MCOLN2: variants seen among roughly 807,000 people sequenced by gnomAD.
MCOLN2 encodes the protein mucolipin TRP cation channel 2, also known as mucolipin-2.
MCOLN2 carries 57 observed loss-of-function variants against 67.5 expected under a neutral mutation model. That is an observed-to-expected ratio of 0.84 (90% CI 0.68 to 1.05). The LOEUF is 1.05. MCOLN2 is among the 50% of genes least tolerant of loss of function. MCOLN2 has a pLI of 0.00. For synonymous variants in MCOLN2, 246 were observed against 233.3 expected (o/e 1.05, Z -0.50); for missense variants, 620 against 678.8 (o/e 0.91, Z 0.96).
rs542976026 is a variant in MCOLN2 at position 84,991,251 on chromosome 1, G to A, written c.77+5545C>T. ...AGAGGGTGGAAGAAGTGATAGATACGGAGACTAAAATTCAATGTTTCTACA... is the reference window on the plus strand; with the variant it reads ...AGAGGGTGGAAGAAGTGATAGATACAGAGACTAAAATTCAATGTTTCTACA... On this transcript the variant is annotated intron_variant, in intron 1 of 13. Transcript: ENST00000370608. 7.2e-3 allele frequency among the ~76,000 whole-genome samples: 1,093 copies of A among 152,188 alleles called. 7 individuals carry two copies. The highest frequency in any genetic ancestry group is 0.011 in the Non-Finnish European group (731 of 68,018).
At chr1:84,954,297 A>T (rs192271938) in intron 4 of MCOLN2, among the ~76,000 whole-genome samples, 90 of 152,358 alleles carry the variant, frequency 5.9e-4, no homozygotes, top group African/African-American at 2.2e-3. Flanking sequence ...TGTGTTTGGC[A>T]GATGGAGTAT....
intron 2 of MCOLN2, 48 bp from the exon 3 acceptor site, chr1:84,958,750 G>C (rs1648925829): frequency 7.3e-7 from 1 of 1,377,684 alleles, no homozygotes; most frequent in Non-Finnish European, 9.7e-7. Context: ...CCATTTATCA[G>C]GGGAGGCAAA....
intron 8 of MCOLN2, among the ~76,000 whole-genome samples, chr1:84,940,248 C>CA (rs1325744278): frequency 2.0e-5 from 3 of 152,136 alleles, no homozygotes; most frequent in Non-Finnish European, 4.4e-5. Context: ...CAGGATTAGG[C>CA]AAAATCAAAT....
intron 4 of MCOLN2, among the ~76,000 whole-genome samples, chr1:84,955,758 A>C (rs994862301): frequency 6.6e-6 from 1 of 152,176 alleles, no homozygotes; most frequent in African/African-American, 2.4e-5. Flanking sequence ...TGGCAACTTC[A>C]AGTACGGGGC....
intron 3 of MCOLN2, among the ~76,000 whole-genome samples, chr1:84,958,025 T>G (rs965309163): frequency 1.3e-5 from 2 of 152,242 alleles, no homozygotes; most frequent in African/African-American, 4.8e-5. Flanking sequence ...AAGATTCAGC[T>G]AGGGTTATTA....
At position 84,926,733 on chromosome 1, in the gene MCOLN2, A is replaced by G; in HGVS notation, c.1665-12T>C. Reference sequence around the variant, plus strand: ...CATCACTTCTTTTCCTGTAACAGAAAGGGAAAGAAGAAAAGAGGAAAGATA... The same window carrying G: ...CATCACTTCTTTTCCTGTAACAGAAGGGGAAAGAAGAAAAGAGGAAAGATA... On this transcript the variant is annotated splice_polypyrimidine_tract_variant and intron_variant, in intron 13 of 13. Transcript: ENST00000370608. The G allele has an allele frequency of 2.5e-6, 4 of 1,589,302 alleles. No individual in the cohort carries two copies. Among genetic ancestry groups the G allele is most frequent in the Non-Finnish European group, 3.4e-6 (4 of 1,163,860 alleles).
At chr1:84,945,503 T>C (rs984255009) in intron 7 of MCOLN2, among the ~76,000 whole-genome samples, 1 of 152,166 alleles carries the variant, frequency 6.6e-6, no homozygotes, top group African/African-American at 2.4e-5. Context: ...GGACATATTA[T>C]ACATCTGAAA....
At chr1:84,949,121 C>T (rs1005024076) in intron 6 of MCOLN2, among the ~76,000 whole-genome samples, 7 of 152,204 alleles carry the variant, frequency 4.6e-5, no homozygotes, top group Admixed American at 6.5e-5. Flanking sequence ...TAGATTGAGA[C>T]TCTGTCTCGA....
At chr1:84,978,349 G>A (rs369427204) in intron 1 of MCOLN2, among the ~76,000 whole-genome samples, 2 of 151,444 alleles carry the variant, frequency 1.3e-5, no homozygotes, top group African/African-American at 4.8e-5. Context: ...AAGAGCAAAC[G>A]AAACCCAAAA....
chr1:84,988,876 C>G (rs971485423), intron 1 of MCOLN2, among the ~76,000 whole-genome samples: 4 of 152,164 alleles, frequency 2.6e-5, no homozygotes, highest in African/African-American at 4.8e-5. Context: ...ACAGTCCCCG[C>G]TCTGCACATT....
chr1:84,961,415 A>G (rs993114858), intron 2 of MCOLN2, among the ~76,000 whole-genome samples: 1 of 152,232 alleles, frequency 6.6e-6, no homozygotes, highest in Non-Finnish European at 1.5e-5. Flanking sequence ...CCATAACCTT[A>G]AACTCAAAGC....
intron 7 of MCOLN2, among the ~76,000 whole-genome samples, chr1:84,941,367 G>A (rs1183269697): frequency 1.3e-5 from 2 of 152,080 alleles, no homozygotes; most frequent in Non-Finnish European, 2.9e-5. Flanking sequence ...TGTGGTGGCA[G>A]GCGCCTGTAG....
chr1:84,983,745 C>T (rs1451473959), intron 1 of MCOLN2, among the ~76,000 whole-genome samples: 4 of 148,408 alleles, frequency 2.7e-5, no homozygotes, highest in Non-Finnish European at 3.0e-5. Flanking sequence ...GGTGCGATCT[C>T]GGCTCACTGC....
chr1:84,933,024 T>C (rs192295764), intron 11 of MCOLN2, among the ~76,000 whole-genome samples: 2 of 152,332 alleles, frequency 1.3e-5, no homozygotes, highest in East Asian at 3.9e-4. Flanking sequence ...AGTATTAATA[T>C]GCTGTGCTTA....
In MCOLN2 at chr1:84,940,864, C is replaced by G. The variant is rs375049209; in HGVS notation, c.960+15G>C. 4.5e-6 allele frequency: 7 copies of G among 1,565,830 alleles called. No individual in the cohort carries two copies. The highest frequency in any genetic ancestry group is 1.1e-5 in the South Asian group (1 of 87,860). On this transcript the variant is annotated intron_variant, in intron 8 of 13. Coordinates refer to ENST00000370608, the MANE Select transcript of MCOLN2 (RefSeq NM_153259.4). ...AGGCCAAGAGGGCAGGAAGAGAATG[C>G]GAACACACTCTTACCTTCCGTAACC...
At chr1:84,928,331 T>C (rs150775304) in intron 13 of MCOLN2, among the ~76,000 whole-genome samples, 1 of 152,258 alleles carries the variant, frequency 6.6e-6, no homozygotes, top group African/African-American at 2.4e-5. Context: ...TTAGGGCAAA[T>C]GGTCTGCTGC....
intron 1 of MCOLN2, among the ~76,000 whole-genome samples, chr1:84,986,508 G>T (rs1000986927): frequency 7.1e-6 from 1 of 140,332 alleles, no homozygotes. Context: ...GTGCCATTGC[G>T]CTCCAGCCTG....
chr1:84,946,957 T>C (rs1648143624), intron 7 of MCOLN2, 76 bp downstream of exon 7: 2 of 738,200 alleles, frequency 2.7e-6, no homozygotes, highest in Non-Finnish European at 4.7e-6. Context: ...AACAAACCAT[T>C]TAAATACCCC....
At position 84,931,680 on chromosome 1, in the gene MCOLN2, T is replaced by C. The variant is rs913056006; in HGVS notation, c.1336-112A>G. On this transcript the variant is annotated intron_variant, in intron 11 of 13. Transcript: ENST00000370608. ...TTTTGTCATTGTAGTAGTGGTAACT[T>C]ACTTATTTTAAGATGCTAGAACACC... is the stretch of plus-strand genomic sequence containing the variant. 5.8e-6 allele frequency: 5 copies of C among 864,478 alleles called. No homozygotes were observed. The African/African-American group carries it at 8.5e-5, about 15-fold the overall frequency. The allele number at this position is 864,478 out of a possible 1,614,324, so 53.6% of individuals were successfully genotyped here.
Sources: gnomAD v4.1 joint callset for allele counts (sites outside exome capture counted in the v4.1 genomes callset) on GRCh38, gnomAD v4.1.1 for gene constraint, MANE v1.5 for transcripts, NCBI Gene and HGNC (gene_info 2026-07-23, HGNC 2026-07-21) for gene names.